MYCT1: variants seen among roughly 807,000 people sequenced by gnomAD.
The protein encoded by MYCT1 is myc target protein 1.
MYCT1 carries 12 observed loss-of-function variants against 15.0 expected under a neutral mutation model. The ratio of observed to expected loss-of-function variants is 0.80; its 90% CI spans 0.51 to 1.29. The LOEUF (loss-of-function observed/expected upper bound fraction) is 1.29, where lower values mean the gene tolerates loss of function less well. Among genes scored for constraint, MYCT1 ranks in the 50% most tolerant of loss-of-function variants. The pLI, the probability that MYCT1 is intolerant of heterozygous loss-of-function variation, is 0.00. For missense variants in MYCT1, 287 were observed against 279.1 expected, an observed-to-expected ratio of 1.03 and a Z score of -0.20; for synonymous variants, 104 against 102.7, an observed-to-expected ratio of 1.01 and a Z score of -0.07.
chr6:152,740,679 C>A, the MYCT1 span, among the ~76,000 whole-genome samples: 1 of 152,180 alleles, frequency 6.6e-6, no homozygotes, highest in Non-Finnish European at 1.5e-5. Flanking sequence ...AACAAGTACA[C>A]ATCTCCCAGA....
the MYCT1 span, among the ~76,000 whole-genome samples, chr6:152,736,676 C>A: frequency 1.8e-4 from 27 of 151,980 alleles, no homozygotes; most frequent in Middle Eastern, 3.2e-3. Context: ...GCTGCACATC[C>A]ATTATTAATA....
At position 152,699,906 on chromosome 6, in the gene MYCT1, C is replaced by T. The variant is rs543439173; in HGVS notation, c.196+1808C>T. Among the ~76,000 whole-genome samples the T allele has an allele frequency of 3.3e-5, 5 of 151,870 alleles. No individual in the cohort carries two copies. The South Asian group carries it at 1.0e-3, about 32-fold the overall frequency. Reference sequence around the variant, plus strand: ...GAATTAAAACCTGTTATTTCAAAGCCAAATACTAGTTTTTCCTTTCTCTTG... The same window carrying T: ...GAATTAAAACCTGTTATTTCAAAGCTAAATACTAGTTTTTCCTTTCTCTTG... On this transcript the variant is annotated intron_variant, in intron 1 of 1. Transcript: ENST00000367245.
chr6:152,735,477 C>A, the MYCT1 span, among the ~76,000 whole-genome samples: 12 of 151,998 alleles, frequency 7.9e-5, no homozygotes, highest in Admixed American at 6.6e-5. Context: ...AATTGGATCA[C>A]CATATGATGA....
chr6:152,698,710 A>C (rs2129067470), intron 1 of MYCT1, among the ~76,000 whole-genome samples: 1 of 152,360 alleles, frequency 6.6e-6, no homozygotes, highest in South Asian at 2.1e-4. Flanking sequence ...ATTTGAGAAA[A>C]CTATAGTAGA....
At chr6:152,714,134 A>G (rs1193394631) in intron 1 of MYCT1, among the ~76,000 whole-genome samples, 4 of 151,818 alleles carry the variant, frequency 2.6e-5, no homozygotes, top group Non-Finnish European at 5.9e-5. Flanking sequence ...TACTCTTGAT[A>G]TTGGTGATTT....
At chr6:152,733,905 C>G in the MYCT1 span, among the ~76,000 whole-genome samples, 560 of 152,188 alleles carry the variant, frequency 3.7e-3, 1 homozygote, top group Non-Finnish European at 6.9e-3. Context: ...TTTATTTCCA[C>G]TGTTTTTATG....
chr6:152,726,721 A>G (rs1255441372), downstream of MYCT1, among the ~76,000 whole-genome samples: 1 of 152,056 alleles, frequency 6.6e-6, no homozygotes, highest in African/African-American at 2.4e-5. Flanking sequence ...GAAGCTCTCC[A>G]GGACTTTTAT....
At chr6:152,732,413 GATTA>G in the MYCT1 span, among the ~76,000 whole-genome samples, 7 of 151,830 alleles carry the variant, frequency 4.6e-5, no homozygotes, top group Non-Finnish European at 2.9e-5. Context: ...TAAGACAATT[GATTA>G]ATTAATGTTT....
At chr6:152,730,103 T>G in the MYCT1 span, among the ~76,000 whole-genome samples, 1 of 152,240 alleles carries the variant, frequency 6.6e-6, no homozygotes, top group Non-Finnish European at 1.5e-5. Flanking sequence ...TTTCTTTTTC[T>G]TGGATTTCAA....
the MYCT1 span, among the ~76,000 whole-genome samples, chr6:152,736,798 A>G: frequency 1.3e-5 from 2 of 152,168 alleles, no homozygotes; most frequent in African/African-American, 4.8e-5. Context: ...ATTAAAGAAT[A>G]AAAACATATG....
chr6:152,743,478 G>T, the MYCT1 span, among the ~76,000 whole-genome samples: 2 of 152,212 alleles, frequency 1.3e-5, no homozygotes, highest in African/African-American at 4.8e-5. Context: ...TCTTTTGGTT[G>T]TCATTTGGGG....
chr6:152,735,122 C>T, the MYCT1 span, among the ~76,000 whole-genome samples: 1 of 152,034 alleles, frequency 6.6e-6, no homozygotes, highest in African/African-American at 2.4e-5. Flanking sequence ...GAGAATAAAA[C>T]ATACAAAGAA....
chr6:152,716,356 A>T (rs1293033673), intron 1 of MYCT1, among the ~76,000 whole-genome samples: 1 of 152,186 alleles, frequency 6.6e-6, no homozygotes, highest in East Asian at 1.9e-4. Flanking sequence ...ACACTCTATG[A>T]TACCAAGGAC....
intron 1 of MYCT1, among the ~76,000 whole-genome samples, chr6:152,701,133 T>C (rs933623368): frequency 8.5e-5 from 13 of 152,310 alleles, no homozygotes; most frequent in African/African-American, 2.9e-4. Context: ...CCTAGAAAGA[T>C]AAATTTCAGA....
chr6:152,728,092 AG>A, downstream of MYCT1, among the ~76,000 whole-genome samples: 1 of 151,882 alleles, frequency 6.6e-6, no homozygotes, highest in Admixed American at 6.6e-5. Flanking sequence ...TGAATCTAGA[AG>A]GCAGAGGTTG....
downstream of MYCT1, among the ~76,000 whole-genome samples, chr6:152,726,749 T>C (rs2099725736): frequency 2.0e-5 from 3 of 152,150 alleles, no homozygotes; most frequent in East Asian, 5.8e-4. Context: ...GTCTCTGTGA[T>C]TGAACCCCAG....
At chr6:152,726,604 C>G (rs921218381), downstream of MYCT1, among the ~76,000 whole-genome samples, 1 of 152,124 alleles carries the variant, frequency 6.6e-6, no homozygotes, top group Admixed American at 6.5e-5. Flanking sequence ...GGCACATGAG[C>G]CTATACACCA....
chr6:152,705,415 A>G lies in MYCT1; in HGVS notation c.196+7317A>G, dbSNP rs374633905. 9.9e-5 allele frequency among the ~76,000 whole-genome samples: 15 copies of G among 152,246 alleles called. 1 individual carries two copies. The highest frequency in any genetic ancestry group is 5.8e-4 in the East Asian group (3 of 5,154). ...TTATGGCTTTTGCACCATCGTAGCC[A>G]AAAAATCCCAAATCTAACCATGGTA... On this transcript the variant is annotated intron_variant, in intron 1 of 1. Transcript: ENST00000367245.
At chr6:152,701,461 G>A (rs2099721297) in intron 1 of MYCT1, among the ~76,000 whole-genome samples, 1 of 152,222 alleles carries the variant, frequency 6.6e-6, no homozygotes, top group African/African-American at 2.4e-5. Flanking sequence ...AGATTTGAAT[G>A]TCAGCGTGAA....
Sources: gnomAD v4.1 joint callset for allele counts (sites outside exome capture counted in the v4.1 genomes callset) on GRCh38, gnomAD v4.1.1 for gene constraint, MANE v1.5 for transcripts, NCBI Gene and HGNC (gene_info 2026-07-23, HGNC 2026-07-21) for gene names.